The following RALGPS1 variants were observed in gnomAD, a reference collection of about 807,000 sequenced individuals.
RALGPS1 encodes the protein ras-specific guanine nucleotide-releasing factor RalGPS1.
A neutral mutation model predicts 78.8 loss-of-function variants in RALGPS1; 19 were observed. The observed-to-expected ratio is 0.24, with a 90% CI of 0.17 to 0.35. The LOEUF (loss-of-function observed/expected upper bound fraction) is 0.35. Ranked by LOEUF, RALGPS1 falls within the 10% of genes least tolerant of loss-of-function variation. The pLI, the probability that RALGPS1 is intolerant of heterozygous loss-of-function variation, is 1.00. For missense variants in RALGPS1, 454 were observed against 688.3 expected (o/e 0.66, Z 3.81); for synonymous variants, 228 against 256.3 (o/e 0.89, Z 1.06).
intron 7 of RALGPS1, among the ~76,000 whole-genome samples, chr9:127,062,660 G>T (rs1036563479): frequency 7.4e-4 from 112 of 152,210 alleles, no homozygotes; most frequent in African/African-American, 2.6e-3. Context: ...CCGTAGACAG[G>T]AATTATTTAT....
At chr9:126,950,938 A>G (rs1450427302) in intron 1 of RALGPS1, among the ~76,000 whole-genome samples, 3 of 152,162 alleles carry the variant, frequency 2.0e-5, no homozygotes, top group African/African-American at 4.8e-5. Flanking sequence ...AATAAAGAAA[A>G]AAAGAGAGAA....
At chr9:126,946,533 CAAAA>C (rs61279292) in intron 1 of RALGPS1, among the ~76,000 whole-genome samples, 1 of 76,224 alleles carries the variant, frequency 1.3e-5, no homozygotes, top group Admixed American at 1.7e-4. Context: ...GAATCTGTCT[CAAAA>C]AAAAAAAAAA....
In RALGPS1 at chr9:127,212,034, T is replaced by C. The variant is rs558601262; in HGVS notation, c.1248-97T>C. ...TTAAGTCTGGACTGCTGGGATGTCATGGACTTGGTAGTGGGGCACCTGTGG... is the reference window on the plus strand; with the variant it reads ...TTAAGTCTGGACTGCTGGGATGTCACGGACTTGGTAGTGGGGCACCTGTGG... On this transcript the variant is annotated intron_variant, in intron 14 of 18. Transcript: ENST00000259351. This position sits in a 1 kb window ranked among gnomAD's most constrained non-coding sequence, Gnocchi z 6.0. 4.7e-5 allele frequency: 44 copies of C among 941,094 alleles called. No individual in the cohort carries two copies. The Admixed American group carries it at 1.1e-3, about 24-fold the overall frequency. The allele number at this position is 941,094 out of a possible 1,614,324, so 58.3% of individuals were successfully genotyped here.
chr9:127,147,075 A>G lies in RALGPS1; in HGVS notation c.611-18994A>G, dbSNP rs1010523446. 7.9e-5 allele frequency among the ~76,000 whole-genome samples: 12 copies of G among 152,200 alleles called. 1 individual carries two copies. The South Asian group carries it at 2.1e-3, about 26-fold the overall frequency. On this transcript the variant is annotated intron_variant, in intron 8 of 18. Coordinates refer to ENST00000259351, the MANE Select transcript of RALGPS1 (RefSeq NM_014636.3). ...TAACTTTTTAATAATAGCCATTCTG[A>G]CTGGTGTGAAATGGTATCTTACTGT...
chr9:127,168,215 C>T (rs2059387543), intron 9 of RALGPS1, among the ~76,000 whole-genome samples: 1 of 152,220 alleles, frequency 6.6e-6, no homozygotes, highest in African/African-American at 2.4e-5. Flanking sequence ...GCCTCCACAC[C>T]TGGCTGGACA....
At chr9:127,006,102 T>G (rs1309259484) in intron 4 of RALGPS1, among the ~76,000 whole-genome samples, 2 of 152,252 alleles carry the variant, frequency 1.3e-5, no homozygotes, top group Non-Finnish European at 2.9e-5. Context: ...ACAGTCAGCA[T>G]CATACTGAAT....
intron 13 of RALGPS1, among the ~76,000 whole-genome samples, chr9:127,198,446 T>G (rs2061453886): frequency 6.6e-6 from 1 of 152,044 alleles, no homozygotes; most frequent in Non-Finnish European, 1.5e-5. Context: ...AGAAGCAGGG[T>G]CGCCCATTCA....
chr9:127,173,858 C>A lies in RALGPS1; in HGVS notation c.843-857C>A, dbSNP rs377304944. On this transcript the variant is annotated intron_variant, in intron 10 of 18. Coordinates refer to ENST00000259351, the MANE Select transcript of RALGPS1 (RefSeq NM_014636.3). ...TGAAACCCCACCTCTACTAAAAATACAAAAATTAGCCAGGCATGGTGGCAC... is the reference window on the plus strand; with the variant it reads ...TGAAACCCCACCTCTACTAAAAATAAAAAAATTAGCCAGGCATGGTGGCAC... Among the ~76,000 whole-genome samples, 97 of 152,096 alleles carry A rather than the reference C, an allele frequency of 6.4e-4. 1 individual carries two copies. Among genetic ancestry groups the A allele is most frequent in the African/African-American group, 2.3e-3 (95 of 41,408 alleles).
At chr9:127,103,738 C>G (rs1404948609) in intron 8 of RALGPS1, among the ~76,000 whole-genome samples, 1 of 152,112 alleles carries the variant, frequency 6.6e-6, no homozygotes, top group Non-Finnish European at 1.5e-5. Context: ...TCCCAGAGCT[C>G]ATTTTAAGGA....
intron 14 of RALGPS1, among the ~76,000 whole-genome samples, chr9:127,208,894 CA>C (rs1341131286): frequency 6.6e-6 from 1 of 152,238 alleles, no homozygotes; most frequent in Non-Finnish European, 1.5e-5. Flanking sequence ...CGCTGGCCAC[CA>C]TGCCCTGTCT....
At chr9:126,986,105 T>C (rs2041776197) in intron 4 of RALGPS1, among the ~76,000 whole-genome samples, 2 of 152,160 alleles carry the variant, frequency 1.3e-5, no homozygotes, top group African/African-American at 4.8e-5. Flanking sequence ...AGGGTGGAGC[T>C]GTGGCTTTTC....
At chr9:127,014,518 G>A (rs2044639147) in intron 4 of RALGPS1, among the ~76,000 whole-genome samples, 1 of 152,192 alleles carries the variant, frequency 6.6e-6, no homozygotes, top group Admixed American at 6.5e-5. Context: ...TGATCAAAAA[G>A]CGAGTTAACT....
chr9:127,053,233 C>T (rs985926366), intron 7 of RALGPS1, among the ~76,000 whole-genome samples: 2 of 152,170 alleles, frequency 1.3e-5, no homozygotes, highest in African/African-American at 4.8e-5. Context: ...GACTTCTGCC[C>T]TCCACTTGGC....
Position 127,212,144 on chromosome 9 carries a change from T to C in RALGPS1, c.1261T>C (p.Cys421Arg). 1 of 1,613,082 alleles carries C rather than the reference T, an allele frequency of 6.2e-7. No homozygotes were observed. The highest frequency in any genetic ancestry group is 1.3e-5 in the African/African-American group (1 of 75,000). ...SSGLESPTGP[C>R]ICSLGNSAAV... ...GTCTCTCCTCAGCCCCACCGGCCCG[T>C]GCATCTGTTCTCTGGGGAACTCCGC... The change falls in exon 15 of 19, where the codon TGC becomes CGC. Residue 421 changes from cysteine (C) to arginine (R), a missense_variant. Transcript: ENST00000259351. The surrounding 1 kb of genome is among the most constrained non-coding windows in gnomAD (Gnocchi z 6.0).
chr9:126,953,319 G>A (rs1340179452), intron 1 of RALGPS1, among the ~76,000 whole-genome samples: 1 of 152,088 alleles, frequency 6.6e-6, no homozygotes, highest in African/African-American at 2.4e-5. Context: ...GCAGTGTTTT[G>A]GTTTCCAGGG....
chr9:126,939,797 G>A (rs984516585), intron 1 of RALGPS1, among the ~76,000 whole-genome samples: 1 of 152,228 alleles, frequency 6.6e-6, no homozygotes, highest in Admixed American at 6.5e-5. Context: ...AGCCGCATTG[G>A]CATGTCAGAG....
At chr9:127,127,410 A>T (rs953641714) in intron 8 of RALGPS1, among the ~76,000 whole-genome samples, 1 of 152,172 alleles carries the variant, frequency 6.6e-6, no homozygotes, top group Non-Finnish European at 1.5e-5. Context: ...CCATATCCCA[A>T]TGAATTTGTT....
At chr9:127,025,659 A>T (rs2045901082) in intron 4 of RALGPS1, among the ~76,000 whole-genome samples, 1 of 151,692 alleles carries the variant, frequency 6.6e-6, no homozygotes, top group Non-Finnish European at 1.5e-5. Context: ...CCATCCACGC[A>T]TCCTCCTGGT....
At chr9:127,119,850 C>T (rs924272399) in intron 8 of RALGPS1, among the ~76,000 whole-genome samples, 8 of 152,230 alleles carry the variant, frequency 5.3e-5, no homozygotes, top group African/African-American at 9.6e-5. Context: ...AGCCTCTGCT[C>T]ATCCTAAGCT....
Sources: gnomAD v4.1 joint callset for allele counts (sites outside exome capture counted in the v4.1 genomes callset) on GRCh38, gnomAD v4.1.1 for gene constraint, Gnocchi (gnomAD v3.1) non-coding constraint, MANE v1.5 for transcripts, NCBI Gene and HGNC (gene_info 2026-07-23, HGNC 2026-07-21) for gene names.